Variants in SCAMP1 observed in about 807,000 individuals in gnomAD.
SCAMP1 encodes the protein secretory carrier membrane protein 1, also known as secretory carrier-associated membrane protein 1.
Under a neutral mutation model 41.8 loss-of-function variants are expected in SCAMP1, and 15 were observed. The observed-to-expected ratio is 0.36, with a 90% CI of 0.24 to 0.55. The LOEUF (loss-of-function observed/expected upper bound fraction) is 0.55, where lower values mean the gene tolerates loss of function less well. Ranked by LOEUF, SCAMP1 falls within the 20% of genes least tolerant of loss-of-function variation. The probability of loss-of-function intolerance (pLI) is 0.86; values close to 1 mark genes in which losing one functional copy is unlikely to be tolerated. For synonymous variants in SCAMP1, 135 were observed against 136.8 expected, an observed-to-expected ratio of 0.99 and a Z score of 0.09; for missense variants, 341 against 412.6, an observed-to-expected ratio of 0.83 and a Z score of 1.50.
chr5:78,463,297 G>A (rs925032888), intron 8 of SCAMP1, among the ~76,000 whole-genome samples: 2 of 152,094 alleles, frequency 1.3e-5, no homozygotes, highest in African/African-American at 4.8e-5. Context: ...TTGACTCTCT[G>A]GCTATTCTTT....
At chr5:78,429,207 T>A (rs1286357107) in intron 6 of SCAMP1, among the ~76,000 whole-genome samples, 1 of 151,950 alleles carries the variant, frequency 6.6e-6, no homozygotes, top group Non-Finnish European at 1.5e-5. Context: ...GTAGGAGGAG[T>A]AACATCCATG....
rs1238198293 is a variant in SCAMP1 at position 78,479,507 on chromosome 5, G to A, written c.*3839G>A. ...TAGGGCATATTTTATAAAGCAGCATGCCTGTAATATTGGTGGGTATTTTTA... is the reference window on the plus strand; with the variant it reads ...TAGGGCATATTTTATAAAGCAGCATACCTGTAATATTGGTGGGTATTTTTA... On this transcript the variant is annotated 3_prime_UTR_variant, in exon 9 of 9. Coordinates refer to ENST00000621999, the MANE Select transcript of SCAMP1 (RefSeq NM_004866.6). 6.6e-6 allele frequency among the ~76,000 whole-genome samples: 1 copy of A among 152,150 alleles called. No individual in the cohort carries two copies. Among genetic ancestry groups the A allele is most frequent in the Non-Finnish European group, 1.5e-5 (1 of 68,032 alleles).
chr5:78,374,903 A>G (rs1411269439), intron 1 of SCAMP1, among the ~76,000 whole-genome samples: 3 of 152,278 alleles, frequency 2.0e-5, no homozygotes, highest in African/African-American at 4.8e-5. Flanking sequence ...TTAAGCACGT[A>G]TCACAGTTAT....
chr5:78,389,204 G>A (rs1751426021), intron 2 of SCAMP1, among the ~76,000 whole-genome samples: 1 of 151,984 alleles, frequency 6.6e-6, no homozygotes, highest in Non-Finnish European at 1.5e-5. Context: ...GAAATACTAG[G>A]AATTAGAGAA....
At chr5:78,401,383 G>T (rs766910562) in intron 2 of SCAMP1, among the ~76,000 whole-genome samples, 1 of 152,026 alleles carries the variant, frequency 6.6e-6, no homozygotes, top group Non-Finnish European at 1.5e-5. Flanking sequence ...TCTTTCCTCC[G>T]ATTGAGACTG....
chr5:78,395,323 A>G (rs953977200), intron 2 of SCAMP1, among the ~76,000 whole-genome samples: 17 of 152,122 alleles, frequency 1.1e-4, no homozygotes, highest in Admixed American at 3.3e-4. Flanking sequence ...CCCCGACCCT[A>G]TTGAGACTGA....
intron 5 of SCAMP1, 122 bp downstream of exon 5, chr5:78,419,025 A>C: frequency 2.5e-6 from 2 of 814,778 alleles, no homozygotes; most frequent in Non-Finnish European, 3.8e-6. Context: ...AAGCTTAATA[A>C]TCATGATTTC....
intron 1 of SCAMP1, chr5:78,370,890 C>G (rs906511993): frequency 6.6e-6 from 1 of 152,072 alleles, no homozygotes; most frequent in Non-Finnish European, 1.5e-5. Flanking sequence ...GAAGTGGTAT[C>G]TTGTGGTTTT....
At chr5:78,406,661 T>G (rs1404844516) in intron 2 of SCAMP1, among the ~76,000 whole-genome samples, 1 of 152,188 alleles carries the variant, frequency 6.6e-6, no homozygotes, top group Non-Finnish European at 1.5e-5. Context: ...AGCCAATATA[T>G]TTTTCTATAA....
At chr5:78,360,960 C>T (rs1750629813) in intron 1 of SCAMP1, 8 of 532,196 alleles carry the variant, frequency 1.5e-5, no homozygotes, top group Non-Finnish European at 3.3e-6. Flanking sequence ...CCCTTCCACA[C>T]GTCCCCGACT....
chr5:78,393,074 C>T (rs1751560520), intron 2 of SCAMP1, among the ~76,000 whole-genome samples: 2 of 152,062 alleles, frequency 1.3e-5, no homozygotes, highest in Admixed American at 1.3e-4. Flanking sequence ...CCCTGTTCTT[C>T]TTTTTATTAA....
intron 6 of SCAMP1, among the ~76,000 whole-genome samples, chr5:78,445,616 GTTC>G (rs1436292387): frequency 6.6e-6 from 1 of 152,050 alleles, no homozygotes; most frequent in South Asian, 2.1e-4. Context: ...GCCAATAGAA[GTTC>G]TTCTTCCCCT....
chr5:78,410,611 G>A (rs1752051990), intron 2 of SCAMP1, among the ~76,000 whole-genome samples: 3 of 152,138 alleles, frequency 2.0e-5, no homozygotes, highest in African/African-American at 7.2e-5. Context: ...AAACATAGGT[G>A]TGCATGTGTC....
intron 6 of SCAMP1, among the ~76,000 whole-genome samples, chr5:78,443,073 T>C (rs1338385953): frequency 6.6e-6 from 1 of 150,844 alleles, no homozygotes; most frequent in African/African-American, 2.4e-5. Flanking sequence ...ATTAGCTGGG[T>C]GTGGTGGTGG....
chr5:78,396,518 A>G (rs183384890), intron 2 of SCAMP1, among the ~76,000 whole-genome samples: 60 of 152,344 alleles, frequency 3.9e-4, no homozygotes, highest in African/African-American at 1.4e-3. Context: ...ATCCAGATAG[A>G]CATGTTTAGT....
intron 8 of SCAMP1, among the ~76,000 whole-genome samples, chr5:78,460,487 G>A (rs1753556678): frequency 6.6e-6 from 1 of 151,988 alleles, no homozygotes; most frequent in Non-Finnish European, 1.5e-5. Flanking sequence ...GTTTTGATTT[G>A]CATTTCTCTG....
At chr5:78,360,886 C>A in intron 1 of SCAMP1, 158 bp downstream of exon 1, 2 of 679,454 alleles carry the variant, frequency 2.9e-6, no homozygotes, top group Middle Eastern at 3.0e-4. Context: ...CGCGCCCCGG[C>A]CCCGTGTCAC....
chr5:78,366,008 T>C (rs1750785963), intron 1 of SCAMP1, among the ~76,000 whole-genome samples: 1 of 152,130 alleles, frequency 6.6e-6, no homozygotes, highest in African/African-American at 2.4e-5. Context: ...TGCCCAGAAC[T>C]CTGGAGGCTA....
chr5:78,470,869 T>G (rs1189201975), intron 8 of SCAMP1, among the ~76,000 whole-genome samples: 1 of 152,178 alleles, frequency 6.6e-6, no homozygotes, highest in Non-Finnish European at 1.5e-5. Context: ...TTGTATACTT[T>G]AAAAACATTT....
Sources: allele counts gnomAD v4.1 joint callset (sites outside exome capture counted in the v4.1 genomes callset), GRCh38; gene constraint gnomAD v4.1.1; transcripts MANE v1.5; gene names NCBI Gene and HGNC (gene_info 2026-07-23, HGNC 2026-07-21).